Variants in TPTE observed in about 807,000 individuals in gnomAD.
TPTE encodes putative tyrosine-protein phosphatase TPTE.
Under a neutral mutation model 84.1 loss-of-function variants are expected in TPTE, and 59 were observed. That is an observed-to-expected ratio of 0.70 (90% CI 0.57 to 0.87). TPTE has a LOEUF of 0.87. Ranked by LOEUF, TPTE falls within the 40% of genes least tolerant of loss-of-function variation. TPTE has a pLI of 0.00. For synonymous variants in TPTE, 130 were observed against 223.5 expected (o/e 0.58, Z 3.73); for missense variants, 382 against 659.6 (o/e 0.58, Z 4.61).
At chr21:10,539,057 G>A (rs1255615654) in intron 4 of TPTE, among the ~76,000 whole-genome samples, 1 of 152,308 alleles carries the variant, frequency 6.6e-6, no homozygotes, top group Non-Finnish European at 1.5e-5. Flanking sequence ...ATATAAAAAG[G>A]AGCAGGTCAT....
At chr21:10,543,119 T>C (rs1190424226) in intron 6 of TPTE, among the ~76,000 whole-genome samples, 1 of 136,906 alleles carries the variant, frequency 7.3e-6, no homozygotes, top group East Asian at 2.2e-4. Flanking sequence ...AAGCTCTGCT[T>C]CCCGGGTTCA....
At chr21:10,580,781 A>T (rs1366653411) in intron 17 of TPTE, among the ~76,000 whole-genome samples, 1 of 152,312 alleles carries the variant, frequency 6.6e-6, no homozygotes, top group Non-Finnish European at 1.5e-5. Context: ...AAGGGAGCCA[A>T]CAGAGATGCT....
At chr21:10,564,820 T>C (rs2074884865) in intron 10 of TPTE, among the ~76,000 whole-genome samples, 1 of 152,304 alleles carries the variant, frequency 6.6e-6, no homozygotes, top group Non-Finnish European at 1.5e-5. Flanking sequence ...GTAAACACCC[T>C]AAAAAAACTG....
At chr21:10,569,985 C>G (rs1190170424) in intron 13 of TPTE, among the ~76,000 whole-genome samples, 1 of 152,298 alleles carries the variant, frequency 6.6e-6, no homozygotes, top group Non-Finnish European at 1.5e-5. Context: ...TCAGCTGACT[C>G]CATTTGAGTT....
At chr21:10,580,551 T>A (rs1255985125) in intron 17 of TPTE, among the ~76,000 whole-genome samples, 5 of 152,304 alleles carry the variant, frequency 3.3e-5, no homozygotes, top group African/African-American at 9.6e-5. Context: ...GGTTGCAATT[T>A]CATTTTTCTG....
chr21:10,544,613 T>C (rs1187286682), intron 7 of TPTE, among the ~76,000 whole-genome samples: 1 of 152,310 alleles, frequency 6.6e-6, no homozygotes, highest in Non-Finnish European at 1.5e-5. Flanking sequence ...CTTGAACTCC[T>C]GCCCTCGTGA....
chr21:10,555,267 GCTCCA>G (rs1655535336), intron 8 of TPTE, among the ~76,000 whole-genome samples: 1 of 152,302 alleles, frequency 6.6e-6, no homozygotes, highest in African/African-American at 2.4e-5. Flanking sequence ...GAGTGCAGTG[GCTCCA>G]CTCAGCTCAC....
chr21:10,523,109 C>T (rs190644755), intron 1 of TPTE, among the ~76,000 whole-genome samples: 320 of 152,260 alleles, frequency 2.1e-3, no homozygotes, highest in Non-Finnish European at 3.3e-3. Context: ...ACAAAGGAAG[C>T]TGAACACTTG....
At chr21:10,538,839 C>A in intron 4 of TPTE, 105 bp downstream of exon 4, 1 of 1,609,996 alleles carries the variant, frequency 6.2e-7, no homozygotes, top group East Asian at 2.2e-5. Flanking sequence ...TCCATCCATG[C>A]ATCCATCCGT....
At chr21:10,525,439 G>C (rs920883568) in intron 2 of TPTE, among the ~76,000 whole-genome samples, 4 of 152,416 alleles carry the variant, frequency 2.6e-5, no homozygotes, top group African/African-American at 9.6e-5. Flanking sequence ...TTAGGAATCT[G>C]TTGAGAATGA....
intron 3 of TPTE, among the ~76,000 whole-genome samples, chr21:10,537,421 G>A (rs1357574437): frequency 2.0e-5 from 3 of 152,310 alleles, no homozygotes; most frequent in Non-Finnish European, 2.9e-5. Flanking sequence ...GCTCACGCCT[G>A]TAATCCCAGC....
chr21:10,540,452 CAT>C (rs1386806193), intron 4 of TPTE, among the ~76,000 whole-genome samples: 1 of 152,308 alleles, frequency 6.6e-6, no homozygotes, highest in Non-Finnish European at 1.5e-5. Flanking sequence ...GTGTTTGTCA[CAT>C]TACCTTTCTG....
intron 10 of TPTE, among the ~76,000 whole-genome samples, chr21:10,565,193 G>A (rs1249482580): frequency 2.0e-5 from 3 of 152,308 alleles, no homozygotes; most frequent in East Asian, 1.9e-4. Flanking sequence ...AAAATCAGTA[G>A]CATTTCTATA....
intron 10 of TPTE, among the ~76,000 whole-genome samples, chr21:10,564,336 C>T (rs1474370179): frequency 1.3e-5 from 2 of 152,304 alleles, no homozygotes; most frequent in African/African-American, 4.8e-5. Context: ...ATGGTGAAAC[C>T]CTGTCTCTAC....
chr21:10,543,918 C>G (rs1052083295), intron 7 of TPTE, among the ~76,000 whole-genome samples: 1 of 152,426 alleles, frequency 6.6e-6, no homozygotes, highest in Non-Finnish European at 1.5e-5. Flanking sequence ...CCCACACACT[C>G]GAGAGCTCTG....
At chr21:10,566,640 A>G (rs374989628) in intron 10 of TPTE, among the ~76,000 whole-genome samples, 1,883 of 151,638 alleles carry the variant, frequency 0.012, no homozygotes, top group South Asian at 0.066. Flanking sequence ...TAAAGAAAAT[A>G]TAGTACATAT....
chr21:10,530,008 A>G (rs561062650), intron 3 of TPTE, among the ~76,000 whole-genome samples: 6 of 152,428 alleles, frequency 3.9e-5, no homozygotes, highest in Non-Finnish European at 7.3e-5. Context: ...CACTATTACT[A>G]TGAACTTATA....
rs542238875 is a variant in TPTE at position 10,544,284 on chromosome 21, G to A, written c.173+902G>A. Among the ~76,000 whole-genome samples, 5 of 152,430 alleles carry A rather than the reference G, an allele frequency of 3.3e-5. No homozygotes were observed. In the South Asian group the frequency reaches 8.3e-4, roughly 25 times the overall value. On this transcript the variant is annotated intron_variant, in intron 7 of 23. Coordinates refer to ENST00000618007, the MANE Select transcript of TPTE (RefSeq NM_199261.4). The stretch of plus-strand genomic sequence containing the variant: ...GTAGTTGCTCATTAAGCAATAGCAT[G>A]TGAGTTTTGTATGTAGTATTGATTT...
chr21:10,574,255 T>C (rs866376445), intron 14 of TPTE, among the ~76,000 whole-genome samples: 92 of 151,218 alleles, frequency 6.1e-4, no homozygotes, highest in African/African-American at 2.1e-3. Flanking sequence ...AAAATATAAC[T>C]ATCGAGGGCT....
Sources: gnomAD v4.1 joint callset for allele counts (sites outside exome capture counted in the v4.1 genomes callset) on GRCh38, gnomAD v4.1.1 for gene constraint, MANE v1.5 for transcripts, NCBI Gene and HGNC (gene_info 2026-07-23, HGNC 2026-07-21) for gene names.